The following NRCAM variants were observed in gnomAD, a reference collection of about 807,000 sequenced individuals.
NRCAM encodes neuronal cell adhesion molecule, also known as NgCAM-related cell adhesion molecule.
NRCAM carries 83 observed loss-of-function variants against 156.5 expected under a neutral mutation model. The ratio of observed to expected loss-of-function variants is 0.53; its 90% CI spans 0.44 to 0.64. The LOEUF (loss-of-function observed/expected upper bound fraction) is 0.64. NRCAM is among the 30% of genes least tolerant of loss of function. The probability of loss-of-function intolerance (pLI) is 0.00; values close to 1 mark genes in which losing one functional copy is unlikely to be tolerated. For missense variants in NRCAM, 1,417 were observed against 1,597.3 expected, an observed-to-expected ratio of 0.89 and a Z score of 1.92; for synonymous variants, 538 against 563.9, an observed-to-expected ratio of 0.95 and a Z score of 0.65.
intron 1 of NRCAM, among the ~76,000 whole-genome samples, chr7:108,430,895 A>C (rs546271539): frequency 1.3e-5 from 2 of 152,236 alleles, no homozygotes; most frequent in South Asian, 4.2e-4. Context: ...TCCAGCACCC[A>C]ACCCATACTG....
chr7:108,288,886 T>C (rs565028086), intron 3 of NRCAM, among the ~76,000 whole-genome samples: 1 of 152,288 alleles, frequency 6.6e-6, no homozygotes, highest in Admixed American at 6.5e-5. Context: ...ATTCATTTCT[T>C]TGGCTAACGG....
At chr7:108,404,807 G>C (rs1457866683) in intron 1 of NRCAM, among the ~76,000 whole-genome samples, 1 of 152,214 alleles carries the variant, frequency 6.6e-6, no homozygotes, top group African/African-American at 2.4e-5. Context: ...AACACAATGA[G>C]AGCCCTGCCA....
At chr7:108,313,910 C>A (rs947459785) in intron 2 of NRCAM, among the ~76,000 whole-genome samples, 3 of 152,074 alleles carry the variant, frequency 2.0e-5, no homozygotes, top group Non-Finnish European at 1.5e-5. Context: ...TACATATCCG[C>A]CAATTCACTG....
At chr7:108,263,048 A>G (rs191924136) in intron 3 of NRCAM, among the ~76,000 whole-genome samples, 63 of 152,340 alleles carry the variant, frequency 4.1e-4, no homozygotes, top group South Asian at 6.2e-4. Flanking sequence ...GGTGAACATC[A>G]TAAACCCATG....
intron 32 of NRCAM, among the ~76,000 whole-genome samples, chr7:108,154,860 T>A (rs2151081423): frequency 6.6e-6 from 1 of 152,118 alleles, no homozygotes; most frequent in South Asian, 2.1e-4. Flanking sequence ...AAGAAATACC[T>A]TGTGCAACAC....
chr7:108,364,101 G>T (rs2099576914), intron 2 of NRCAM, among the ~76,000 whole-genome samples: 1 of 152,060 alleles, frequency 6.6e-6, no homozygotes, highest in South Asian at 2.1e-4. Flanking sequence ...GGGGAAACTG[G>T]GTGTGGTATT....
intron 29 of NRCAM, 94 bp downstream of exon 29, chr7:108,168,183 C>T: frequency 2.4e-6 from 3 of 1,253,644 alleles, no homozygotes; most frequent in South Asian, 2.3e-5. Context: ...AGTTATTTTT[C>T]AAGATGATCC....
intron 3 of NRCAM, among the ~76,000 whole-genome samples, chr7:108,299,371 C>CT (rs1262529708): frequency 2.0e-5 from 3 of 151,956 alleles, no homozygotes; most frequent in Non-Finnish European, 2.9e-5. Flanking sequence ...AAAAAGTGAG[C>CT]TTTCATTACC....
intron 2 of NRCAM, among the ~76,000 whole-genome samples, chr7:108,394,289 G>A (rs1004423626): frequency 6.6e-6 from 1 of 152,164 alleles, no homozygotes; most frequent in East Asian, 1.9e-4. Context: ...GGATCTGAGT[G>A]GCACATCACA....
intron 18 of NRCAM, among the ~76,000 whole-genome samples, 190 bp downstream of exon 18, chr7:108,191,539 G>A (rs2071531685): frequency 6.6e-6 from 1 of 152,144 alleles, no homozygotes; most frequent in African/African-American, 2.4e-5. Context: ...ATTTCACCCA[G>A]TGCTGCTACA....
At chr7:108,164,589 A>AGCAGGG (rs1398240282) in intron 30 of NRCAM, among the ~76,000 whole-genome samples, 2 of 151,996 alleles carry the variant, frequency 1.3e-5, no homozygotes, top group South Asian at 2.1e-4. Context: ...CAGGAGCAGG[A>AGCAGGG]GCAGGGGCAG....
At chr7:108,397,919 C>T (rs1419542960) in intron 2 of NRCAM, among the ~76,000 whole-genome samples, 1 of 151,982 alleles carries the variant, frequency 6.6e-6, no homozygotes, top group Admixed American at 6.5e-5. Context: ...AGAAATACTA[C>T]AGATACAAAT....
intron 2 of NRCAM, among the ~76,000 whole-genome samples, chr7:108,354,717 A>G (rs1201936053): frequency 2.0e-5 from 3 of 151,794 alleles, no homozygotes; most frequent in Non-Finnish European, 4.4e-5. Context: ...CAACATGGAG[A>G]AACCCCGTCT....
intron 2 of NRCAM, among the ~76,000 whole-genome samples, chr7:108,315,719 G>A (rs1435136821): frequency 6.6e-6 from 1 of 152,192 alleles, no homozygotes; most frequent in Non-Finnish European, 1.5e-5. Context: ...TATACATCTT[G>A]TGGAAGTTAG....
chr7:108,429,723 A>G (rs1597707102), intron 1 of NRCAM, among the ~76,000 whole-genome samples: 2 of 152,204 alleles, frequency 1.3e-5, no homozygotes, highest in Admixed American at 1.3e-4. Context: ...CTACTATTTT[A>G]TGTGTTGGGA....
At chr7:108,157,816 A>G (rs1298814141) in intron 32 of NRCAM, among the ~76,000 whole-genome samples, 1 of 152,162 alleles carries the variant, frequency 6.6e-6, no homozygotes, top group African/African-American at 2.4e-5. Flanking sequence ...TCACTGAGGC[A>G]TGATAATGTA....
intron 3 of NRCAM, among the ~76,000 whole-genome samples, chr7:108,292,966 G>A (rs891586593): frequency 8.6e-5 from 13 of 152,042 alleles, no homozygotes; most frequent in African/African-American, 3.1e-4. Flanking sequence ...TCTGATGAAG[G>A]CCCAAATCAA....
chr7:108,158,395 A>G (rs2046808256), intron 32 of NRCAM, among the ~76,000 whole-genome samples: 1 of 152,172 alleles, frequency 6.6e-6, no homozygotes, highest in African/African-American at 2.4e-5. Context: ...TTGAAAATAT[A>G]TGTCTTTTTC....
intron 32 of NRCAM, among the ~76,000 whole-genome samples, chr7:108,154,990 CATTGT>C (rs913941003): frequency 6.6e-6 from 1 of 151,424 alleles, no homozygotes; most frequent in Non-Finnish European, 1.5e-5. Flanking sequence ...AACTTTTTGA[CATTGT>C]ATTCAGTGAA....
Sources: allele counts gnomAD v4.1 joint callset (sites outside exome capture counted in the v4.1 genomes callset), GRCh38; gene constraint gnomAD v4.1.1; transcripts MANE v1.5; gene names NCBI Gene and HGNC (gene_info 2026-07-23, HGNC 2026-07-21).